AFF3: variants seen among roughly 807,000 people sequenced by gnomAD.
AFF3 encodes AF4/FMR2 family member 3.
AFF3 carries 32 observed loss-of-function variants against 129.7 expected under a neutral mutation model. That is an observed-to-expected ratio of 0.25 (90% CI 0.19 to 0.33). The LOEUF (loss-of-function observed/expected upper bound fraction) is 0.33, where lower values mean the gene tolerates loss of function less well. AFF3 is among the 10% of genes least tolerant of loss of function. The pLI is 1.00. For missense variants in AFF3, 1,373 were observed against 1,592.0 expected (o/e 0.86, Z 2.34); for synonymous variants, 644 against 635.4 (o/e 1.01, Z -0.20).
chr2:99,880,352 T>C (rs949845035), intron 7 of AFF3, among the ~76,000 whole-genome samples: 2 of 152,186 alleles, frequency 1.3e-5, no homozygotes, highest in Non-Finnish European at 2.9e-5. Flanking sequence ...CTCCCCAGGA[T>C]ATGGCTCACC....
chr2:99,738,766 T>C (rs1680463068), intron 10 of AFF3, among the ~76,000 whole-genome samples: 1 of 152,124 alleles, frequency 6.6e-6, no homozygotes, highest in Non-Finnish European at 1.5e-5. Context: ...GAAGGATTCA[T>C]TTAGGGCTCA....
intron 4 of AFF3, among the ~76,000 whole-genome samples, chr2:100,028,142 T>C (rs996288962): frequency 5.3e-5 from 8 of 152,212 alleles, no homozygotes; most frequent in Admixed American, 2.0e-4. Flanking sequence ...AAAGGTAATA[T>C]TCAATACCAG....
chr2:99,999,277 T>C (rs1336666435), intron 7 of AFF3, among the ~76,000 whole-genome samples: 2 of 152,234 alleles, frequency 1.3e-5, no homozygotes, highest in African/African-American at 4.8e-5. Context: ...CTATAAATTA[T>C]ATGTTGGAAG....
intron 7 of AFF3, among the ~76,000 whole-genome samples, chr2:99,980,976 T>C (rs1313712714): frequency 3.9e-5 from 6 of 152,178 alleles, no homozygotes; most frequent in African/African-American, 7.2e-5. Flanking sequence ...ATATGAAAAT[T>C]TTCTTATGAC....
chr2:99,837,408 C>T (rs139500314), intron 8 of AFF3, 69 bp downstream of exon 8: 58 of 1,450,622 alleles, frequency 4.0e-5, no homozygotes, highest in Admixed American at 7.4e-5. Flanking sequence ...ATCATGGAGC[C>T]GCAGGTTTCC....
At chr2:100,055,578 G>C (rs557215472) in intron 4 of AFF3, among the ~76,000 whole-genome samples, 5 of 152,148 alleles carry the variant, frequency 3.3e-5, no homozygotes, top group Admixed American at 6.5e-5. Context: ...TAGTAAGAAT[G>C]CTTTAGGTGA....
intron 1 of AFF3, among the ~76,000 whole-genome samples, chr2:100,141,302 G>A (rs772493397): frequency 1.3e-5 from 2 of 152,238 alleles, no homozygotes; most frequent in African/African-American, 2.4e-5. Flanking sequence ...ACTAAGTGCA[G>A]TTACGCCTAG....
chr2:99,602,391 C>A (rs1679922913), intron 13 of AFF3, among the ~76,000 whole-genome samples: 1 of 152,126 alleles, frequency 6.6e-6, no homozygotes, highest in South Asian at 2.1e-4. Context: ...ATGTTTATAT[C>A]CATGCTGAAA....
At chr2:99,814,660 G>A (rs12712060) in intron 8 of AFF3, among the ~76,000 whole-genome samples, 109,412 of 151,854 alleles carry the variant, frequency 0.72, 40,913 homozygotes, top group South Asian at 0.92. Flanking sequence ...CACTAGCTCC[G>A]GCTCCTGGAG....
At chr2:99,702,138 A>C (rs1379645312) in intron 11 of AFF3, among the ~76,000 whole-genome samples, 1 of 152,230 alleles carries the variant, frequency 6.6e-6, no homozygotes, top group Non-Finnish European at 1.5e-5. Flanking sequence ...TATATGCCCA[A>C]GAGTGCAACC....
intron 8 of AFF3, among the ~76,000 whole-genome samples, chr2:99,806,754 T>C (rs1169350556): frequency 6.6e-6 from 1 of 152,180 alleles, no homozygotes; most frequent in African/African-American, 2.4e-5. Context: ...TGCATCTTTG[T>C]TGGGAAGATG....
chr2:99,944,176 C>T (rs918870574), intron 7 of AFF3, among the ~76,000 whole-genome samples: 7 of 152,198 alleles, frequency 4.6e-5, no homozygotes, highest in African/African-American at 1.7e-4. Context: ...GCTGGGATTA[C>T]AGGCATGAAG....
chr2:100,114,443 G>A (rs1437626326), intron 2 of AFF3, among the ~76,000 whole-genome samples: 1 of 152,168 alleles, frequency 6.6e-6, no homozygotes, highest in African/African-American at 2.4e-5. Context: ...GTGCAGTGGT[G>A]TGATCTCAGC....
chr2:100,014,912 T>C (rs1331448078), intron 4 of AFF3, among the ~76,000 whole-genome samples: 1 of 150,424 alleles, frequency 6.6e-6, no homozygotes, highest in Admixed American at 6.6e-5. Context: ...GCCTCCCGAG[T>C]AGCTGGGACT....
chr2:99,800,760 T>C (rs989247554), intron 8 of AFF3, among the ~76,000 whole-genome samples: 5 of 152,278 alleles, frequency 3.3e-5, no homozygotes, highest in African/African-American at 9.6e-5. Context: ...TAATGAACAA[T>C]TGATCCATGC....
rs1281130607 is a variant in AFF3, at chr2:100,006,836, T to G, written c.669A>C (p.Lys223Asn). 1 of 1,614,084 alleles carries G rather than the reference T, an allele frequency of 6.2e-7. No individual in the cohort carries two copies. Among genetic ancestry groups the G allele is most frequent in the Non-Finnish European group, 8.5e-7 (1 of 1,180,026 alleles). ...TCGGTTTCTGCTGGACCAGGCTGGG[T>G]TTTGAAGCTAGGGATGGAGGAAAGT... ...VQNFPPSLAS[K>N]PSLVQQKPTA... The change falls in exon 7 of 25, where the codon AAA (lysine) becomes AAC (asparagine). Residue 223 changes from lysine to asparagine, a missense_variant. This residue lies in a region of AFF3 where 255 missense variants were observed against 256.0 expected (regional missense o/e 1.00). Coordinates refer to ENST00000672756, the MANE Select transcript of AFF3 (RefSeq NM_001386135.1).
chr2:100,050,346 T>TCTTG (rs1686200877), intron 4 of AFF3, among the ~76,000 whole-genome samples: 2 of 152,088 alleles, frequency 1.3e-5, no homozygotes, highest in African/African-American at 4.8e-5. Flanking sequence ...TGGGATAGGG[T>TCTTG]CTTGCTCTGT....
intron 4 of AFF3, among the ~76,000 whole-genome samples, chr2:100,070,247 C>A (rs1370661566): frequency 6.6e-6 from 1 of 152,072 alleles, no homozygotes; most frequent in Non-Finnish European, 1.5e-5. Context: ...TGCGTAAGCA[C>A]ATCTAAAGGT....
chr2:99,587,241 G>T lies in AFF3; in HGVS notation c.2504C>A (p.Ser835Tyr), dbSNP rs773656603. ...NEDDYREIKK[S>Y]QGEKDSSSRL... ...TGAAGAGCTGTCTTTCTCTCCCTGG[G>T]ACTTCTTGATCTCCCTGTAGTCGTC... The change falls in exon 16 of 25, where the codon TCC (serine) becomes TAC (tyrosine). Residue 835 changes from serine (S) to tyrosine (Y), a missense_variant. Physicochemically the swap from Ser to Tyr is moderately radical, Grantham distance 144. Coordinates refer to ENST00000672756, the MANE Select transcript of AFF3 (RefSeq NM_001386135.1). The T allele has an allele frequency of 1.4e-5, 23 of 1,614,030 alleles. No homozygotes were observed. The highest frequency in any genetic ancestry group is 1.9e-5 in the Non-Finnish European group (23 of 1,180,024).
Sources: gnomAD v4.1 joint callset for allele counts (sites outside exome capture counted in the v4.1 genomes callset) on GRCh38, gnomAD v4.1.1 for gene constraint, gnomAD v4.1.1 regional missense constraint, MANE v1.5 for transcripts, NCBI Gene and HGNC (gene_info 2026-07-23, HGNC 2026-07-21) for gene names.